MYO9B: variants seen among roughly 807,000 people sequenced by gnomAD.
The protein encoded by MYO9B is unconventional myosin-IXb.
In MYO9B, 71 loss-of-function variants were observed where a neutral mutation model predicts 229.5. The observed-to-expected ratio is 0.31, with a 90% CI of 0.26 to 0.38. MYO9B has a LOEUF of 0.38. MYO9B is among the 10% of genes least tolerant of loss of function. The pLI is 1.00. For missense variants in MYO9B, 2,255 were observed against 2,920.5 expected (o/e 0.77, Z 5.25); for synonymous variants, 1,185 against 1,235.8 (o/e 0.96, Z 0.86).
intron 2 of MYO9B, among the ~76,000 whole-genome samples, chr19:17,111,558 G>A: frequency 6.6e-6 from 1 of 152,056 alleles, no homozygotes; most frequent in East Asian, 1.9e-4. Flanking sequence ...AAGCAGCTGA[G>A]AATACAGGTG....
intron 16 of MYO9B, 39 bp downstream of exon 16, chr19:17,183,907 A>G (rs534942313): frequency 1.3e-6 from 2 of 1,539,362 alleles, no homozygotes; most frequent in African/African-American, 1.4e-5. Context: ...ACGTTCCAAG[A>G]TATCTTGCTT....
intron 2 of MYO9B, among the ~76,000 whole-genome samples, chr19:17,117,246 T>C (rs553376076): frequency 1.3e-5 from 2 of 152,210 alleles, no homozygotes; most frequent in African/African-American, 4.8e-5. Flanking sequence ...TGGCTGCCAA[T>C]TTGTTTCCTA....
chr19:17,152,126 G>C (rs2072483323), intron 3 of MYO9B, among the ~76,000 whole-genome samples: 2 of 150,288 alleles, frequency 1.3e-5, no homozygotes, highest in Admixed American at 1.3e-4. Context: ...GGTGGAGGTT[G>C]CAGTGAGTAG....
At chr19:17,140,320 T>C (rs1158829878) in intron 2 of MYO9B, among the ~76,000 whole-genome samples, 3 of 152,236 alleles carry the variant, frequency 2.0e-5, no homozygotes, top group Non-Finnish European at 1.5e-5. Context: ...GGCCCTCTTC[T>C]TGGTTCATTG....
chr19:17,095,829 C>G (rs915782568), intron 1 of MYO9B: 10 of 152,232 alleles, frequency 6.6e-5, no homozygotes, highest in Non-Finnish European at 1.5e-5. Flanking sequence ...GTGGCGCGAT[C>G]TAGGCTCAGT....
chr19:17,198,434 T>C, intron 24 of MYO9B, 126 bp downstream of exon 24: 1 of 1,353,548 alleles, frequency 7.4e-7, no homozygotes, highest in Non-Finnish European at 1.0e-6. Context: ...AGGCATTTGC[T>C]CAGTAGAAAC....
intron 3 of MYO9B, among the ~76,000 whole-genome samples, chr19:17,149,339 C>T (rs993818045): frequency 1.3e-5 from 2 of 152,082 alleles, no homozygotes; most frequent in African/African-American, 4.8e-5. Flanking sequence ...CAGGGCCCAC[C>T]ATTGGACCAG....
At chr19:17,188,443 A>G (rs562772545) in intron 19 of MYO9B, among the ~76,000 whole-genome samples, 188 of 146,690 alleles carry the variant, frequency 1.3e-3, no homozygotes, top group Non-Finnish European at 1.8e-3. Context: ...AAAAAAAAAA[A>G]AAAAAAAGAA....
intron 2 of MYO9B, among the ~76,000 whole-genome samples, chr19:17,124,021 G>A (rs947397817): frequency 6.6e-6 from 1 of 152,028 alleles, no homozygotes; most frequent in African/African-American, 2.4e-5. Flanking sequence ...AAGCAGCTAG[G>A]ATTACAGGCA....
At chr19:17,168,716 G>A (rs1438940321) in intron 11 of MYO9B, among the ~76,000 whole-genome samples, 1 of 152,214 alleles carries the variant, frequency 6.6e-6, no homozygotes, top group African/African-American at 2.4e-5. Flanking sequence ...AGGATCACTT[G>A]AGCCTGGGAG....
chr19:17,108,467 C>G (rs2057814622), intron 2 of MYO9B, among the ~76,000 whole-genome samples: 1 of 152,138 alleles, frequency 6.6e-6, no homozygotes, highest in African/African-American at 2.4e-5. Flanking sequence ...CTGGCCTCCA[C>G]CCACCAGATG....
chr19:17,164,732 C>T (rs1360917645), intron 10 of MYO9B, among the ~76,000 whole-genome samples: 3 of 152,178 alleles, frequency 2.0e-5, no homozygotes, highest in South Asian at 2.1e-4. Flanking sequence ...TTCATGTCTT[C>T]TCCTTCACGT....
chr19:17,167,922 G>A (rs769570523), intron 10 of MYO9B, 21 bp from the exon 11 acceptor site: 13 of 1,553,382 alleles, frequency 8.4e-6, no homozygotes, highest in African/African-American at 8.2e-5. Context: ...GAAACTTACC[G>A]ACCCCGCGCC....
At chr19:17,187,806 C>G (rs7250808) in intron 18 of MYO9B, 129 bp from the exon 19 acceptor site, 345,625 of 728,610 alleles carry the variant, frequency 0.47, 88,366 homozygotes, top group African/African-American at 0.73. Context: ...CTGTGTTCGG[C>G]ATCCCAAGAG....
intron 1 of MYO9B, among the ~76,000 whole-genome samples, chr19:17,079,153 G>T (rs1450835108): frequency 6.6e-6 from 1 of 152,196 alleles, no homozygotes; most frequent in Non-Finnish European, 1.5e-5. Context: ...GGTGAAATGT[G>T]ATGCTCATTA....
intron 16 of MYO9B, 95 bp from the exon 17 acceptor site, chr19:17,184,770 C>T (rs1326174992): frequency 1.8e-5 from 27 of 1,537,112 alleles, no homozygotes; most frequent in East Asian, 1.2e-4. Flanking sequence ...GCTGCGGGGA[C>T]GCTGTTCTGC....
In MYO9B at chr19:17,187,921, C is replaced by T. The variant is rs752369636; in HGVS notation, c.2578-14C>T. ...TCAAGGCCACCTGCCTGATGTCTCG[C>T]ATTCCCATTTCAGAAAGAGCTGTGC... On this transcript the variant is annotated splice_polypyrimidine_tract_variant and intron_variant, in intron 18 of 39. Transcript: ENST00000682292. The T allele has an allele frequency of 5.7e-6, 9 of 1,565,808 alleles. No individual in the cohort carries two copies. The South Asian group carries it at 9.4e-5, about 16-fold the overall frequency.
chr19:17,199,928 G>A (rs2073089095), intron 24 of MYO9B, among the ~76,000 whole-genome samples: 1 of 149,486 alleles, frequency 6.7e-6, no homozygotes, highest in Non-Finnish European at 1.5e-5. Context: ...GCAATGGTGC[G>A]ATCTCAGCTC....
Position 17,212,452 on chromosome 19 carries a change from C to T in MYO9B, c.*142C>T, listed in dbSNP as rs1485658602. Reference sequence around the variant, plus strand: ...GAGTGACGTGAGGTGGGCACCGGCCCCAAGTGCAGAGTCAAGGCAGGGAGA... The same window carrying T: ...GAGTGACGTGAGGTGGGCACCGGCCTCAAGTGCAGAGTCAAGGCAGGGAGA... On this transcript the variant is annotated 3_prime_UTR_variant, in exon 40 of 40. Coordinates refer to ENST00000682292, the MANE Select transcript of MYO9B (RefSeq NM_004145.4). This position sits in a 1 kb window ranked among gnomAD's most constrained non-coding sequence, Gnocchi z 5.4. 7 of 1,079,756 alleles carry T rather than the reference C, an allele frequency of 6.5e-6. No homozygotes were observed. Among genetic ancestry groups the T allele is most frequent in the East Asian group, 5.9e-5 (2 of 34,118 alleles). The allele number at this position is 1,079,756 out of a possible 1,614,324, so 66.9% of individuals were successfully genotyped here. A position where few individuals can be genotyped will look rare whatever the true frequency, so the allele number is the denominator to read the frequency against.
Sources: gnomAD v4.1 joint callset for allele counts (sites outside exome capture counted in the v4.1 genomes callset) on GRCh38, gnomAD v4.1.1 for gene constraint, Gnocchi (gnomAD v3.1) non-coding constraint, MANE v1.5 for transcripts, NCBI Gene and HGNC (gene_info 2026-07-23, HGNC 2026-07-21) for gene names.